The following NSMAF variants were observed in gnomAD, a reference collection of about 807,000 sequenced individuals.
NSMAF encodes neutral sphingomyelinase activation associated factor.
In NSMAF, 90 loss-of-function variants were observed where a neutral mutation model predicts 134.9. The ratio of observed to expected loss-of-function variants is 0.67; its 90% CI spans 0.56 to 0.79. The LOEUF is 0.79. Among genes scored for constraint, NSMAF ranks in the 30% least tolerant of loss-of-function variants. The probability of loss-of-function intolerance (pLI) is 0.00; values close to 1 mark genes in which losing one functional copy is unlikely to be tolerated. For missense variants in NSMAF, 1,010 were observed against 1,119.0 expected, an observed-to-expected ratio of 0.90 and a Z score of 1.39; for synonymous variants, 358 against 389.6, an observed-to-expected ratio of 0.92 and a Z score of 0.96.
chr8:58,588,117 T>G (rs977137553), intron 26 of NSMAF, among the ~76,000 whole-genome samples: 1 of 152,212 alleles, frequency 6.6e-6, no homozygotes, highest in Non-Finnish European at 1.5e-5. Flanking sequence ...GAAAAACTCC[T>G]GGAGGAATTC....
chr8:58,609,516 A>G (rs1219722343), intron 10 of NSMAF, 88 bp downstream of exon 10: 1 of 1,411,222 alleles, frequency 7.1e-7, no homozygotes, highest in African/African-American at 1.4e-5. Flanking sequence ...ATCCTCATCA[A>G]AAAGTGAGGT....
intron 9 of NSMAF, among the ~76,000 whole-genome samples, chr8:58,620,331 A>T (rs573416164): frequency 1.2e-4 from 19 of 152,304 alleles, no homozygotes; most frequent in Admixed American, 3.3e-4. Flanking sequence ...AAAGGCTCAG[A>T]GGTAAGAGAC....
chr8:58,615,767 A>T (rs1806641317), intron 9 of NSMAF, among the ~76,000 whole-genome samples: 1 of 152,224 alleles, frequency 6.6e-6, no homozygotes, highest in African/African-American at 2.4e-5. Flanking sequence ...TTAGAAAGTT[A>T]CAAGAATAAG....
intron 2 of NSMAF, among the ~76,000 whole-genome samples, chr8:58,639,006 T>C (rs1002965388): frequency 6.6e-6 from 1 of 151,826 alleles, no homozygotes; most frequent in Non-Finnish European, 1.5e-5. Context: ...TACAAATGGG[T>C]GGGTGTGGTG....
chr8:58,624,794 C>A (rs968893293), intron 6 of NSMAF, among the ~76,000 whole-genome samples: 1 of 152,170 alleles, frequency 6.6e-6, no homozygotes, highest in Non-Finnish European at 1.5e-5. Context: ...CCTCTGTTTC[C>A]TTACTGATGT....
chr8:58,627,404 A>G (rs1185148818), intron 6 of NSMAF, among the ~76,000 whole-genome samples: 1 of 152,166 alleles, frequency 6.6e-6, no homozygotes, highest in Non-Finnish European at 1.5e-5. Context: ...AAATTGGAAA[A>G]AAGGAGGTCA....
At chr8:58,596,145 A>C (rs1242131276) in intron 21 of NSMAF, among the ~76,000 whole-genome samples, 1 of 152,210 alleles carries the variant, frequency 6.6e-6, no homozygotes, top group African/African-American at 2.4e-5. Context: ...ATCACATGAC[A>C]GTGGTTACAG....
At chr8:58,652,929 G>A (rs1440661258) in intron 1 of NSMAF, among the ~76,000 whole-genome samples, 2 of 152,090 alleles carry the variant, frequency 1.3e-5, no homozygotes, top group Non-Finnish European at 2.9e-5. Flanking sequence ...TCCGTAACGA[G>A]GATATGACAT....
At chr8:58,599,718 C>G in intron 18 of NSMAF, 32 bp downstream of exon 18, 1 of 1,603,726 alleles carries the variant, frequency 6.2e-7, no homozygotes. Flanking sequence ...TAAAGCATGT[C>G]TATAATACAA....
chr8:58,650,594 G>A (rs1379026238), intron 1 of NSMAF, among the ~76,000 whole-genome samples: 1 of 152,086 alleles, frequency 6.6e-6, no homozygotes, highest in African/African-American at 2.4e-5. Flanking sequence ...AAACTGTCCA[G>A]TAACAGCACC....
chr8:58,594,633 T>A (rs1353843051), intron 22 of NSMAF: 1 of 289,374 alleles, frequency 3.5e-6, no homozygotes, highest in Non-Finnish European at 6.5e-6. Context: ...TTCTTCACAG[T>A]CACTTCACTT....
chr8:58,626,011 C>T (rs1312852310), intron 6 of NSMAF, among the ~76,000 whole-genome samples: 8 of 151,274 alleles, frequency 5.3e-5, no homozygotes, highest in African/African-American at 1.5e-4. Flanking sequence ...AAGCAGTGTA[C>T]GTACCCAATA....
rs1383395371 is a variant in NSMAF at position 58,586,279 on chromosome 8, A to G, written c.2446+179T>C. 5.7e-5 allele frequency: 37 copies of G among 647,916 alleles called. No individual in the cohort carries two copies. The East Asian group carries it at 9.6e-4, about 17-fold the overall frequency. The allele number at this position is 647,916 out of a possible 1,614,324, so 40.1% of individuals were successfully genotyped here. On this transcript the variant is annotated intron_variant, in intron 28 of 30. Transcript: ENST00000038176. ...AGTCCGGCTTTTCTACCTGATACAA[A>G]TGCCACAAGTATACTGTACCCTGGC...
chr8:58,600,941 C>A (rs1298730262), intron 16 of NSMAF, among the ~76,000 whole-genome samples: 2 of 151,826 alleles, frequency 1.3e-5, no homozygotes, highest in Non-Finnish European at 2.9e-5. Context: ...AAATGCCCAA[C>A]AATGGAGAAA....
intron 25 of NSMAF, 115 bp from the exon 26 acceptor site, chr8:58,589,690 A>G: frequency 1.0e-6 from 1 of 999,890 alleles, no homozygotes; most frequent in South Asian, 2.4e-5. Flanking sequence ...GCTCACTAGA[A>G]TTACAAATTG....
At chr8:58,599,405 T>TG (rs755991671) in intron 18 of NSMAF, 42 bp from the exon 19 acceptor site, 2 of 1,602,932 alleles carry the variant, frequency 1.2e-6, no homozygotes. Context: ...GAGTCTTCAT[T>TG]TTTTTCCTCC....
chr8:58,609,550 C>A, intron 10 of NSMAF, 54 bp downstream of exon 10: 1 of 1,603,732 alleles, frequency 6.2e-7, no homozygotes, highest in Non-Finnish European at 8.5e-7. Context: ...AGGCCATGGT[C>A]TGGAAACAGC....
In NSMAF at chr8:58,597,773, C is replaced by T. The variant is rs1043962730; in HGVS notation, c.1628+87G>A. On this transcript the variant is annotated intron_variant, in intron 20 of 30. Coordinates refer to ENST00000038176, the MANE Select transcript of NSMAF (RefSeq NM_003580.4). ...TAGAATTCATTTTAAAATTTCCATA[C>T]CTCAACCTTCAAATAAATACATTAA... 3 of 1,062,138 alleles carry T rather than the reference C, an allele frequency of 2.8e-6. No individual in the cohort carries two copies. The African/African-American group carries it at 4.8e-5, about 17-fold the overall frequency. The allele number at this position is 1,062,138 out of a possible 1,614,324, so 65.8% of individuals were successfully genotyped here. A position where few individuals can be genotyped will look rare whatever the true frequency, so the allele number is the denominator to read the frequency against.
chr8:58,598,325 G>A (rs1269098899), intron 19 of NSMAF, among the ~76,000 whole-genome samples: 4 of 151,462 alleles, frequency 2.6e-5, no homozygotes, highest in Non-Finnish European at 5.9e-5. Flanking sequence ...CTGAAGAGAA[G>A]GTATATTGCT....
Sources: gnomAD v4.1 joint callset for allele counts (sites outside exome capture counted in the v4.1 genomes callset) on GRCh38, gnomAD v4.1.1 for gene constraint, MANE v1.5 for transcripts, NCBI Gene and HGNC (gene_info 2026-07-23, HGNC 2026-07-21) for gene names.